Variants in CNNM1 observed in about 807,000 individuals in gnomAD.
CNNM1 encodes metal transporter CNNM1.
Under a neutral mutation model 78.8 loss-of-function variants are expected in CNNM1, and 44 were observed. The observed-to-expected ratio is 0.56, with a 90% CI of 0.44 to 0.72. The LOEUF is 0.72. Ranked by LOEUF, CNNM1 falls within the 30% of genes least tolerant of loss-of-function variation. The pLI is 0.00. For synonymous variants in CNNM1, 584 were observed against 581.5 expected, an observed-to-expected ratio of 1.00 and a Z score of -0.06; for missense variants, 1,101 against 1,292.2, an observed-to-expected ratio of 0.85 and a Z score of 2.27.
At chr10:99,365,296 A>G (rs1049670276) in intron 6 of CNNM1, among the ~76,000 whole-genome samples, 5 of 152,234 alleles carry the variant, frequency 3.3e-5, no homozygotes, top group African/African-American at 9.6e-5. Context: ...GAATGCAGGC[A>G]GGTGATTTGT....
intron 1 of CNNM1, among the ~76,000 whole-genome samples, chr10:99,357,143 G>A (rs2031249507): frequency 6.6e-6 from 1 of 152,214 alleles, no homozygotes; most frequent in South Asian, 2.1e-4. Flanking sequence ...TAGTGGGGAA[G>A]GGGGCTTAGG....
At chr10:99,359,049 C>T (rs1323166742) in intron 2 of CNNM1, among the ~76,000 whole-genome samples, 1 of 140,734 alleles carries the variant, frequency 7.1e-6, no homozygotes, top group Non-Finnish European at 1.5e-5. Context: ...TCCCAGGTGT[C>T]TCAGATAAAC....
intron 6 of CNNM1, chr10:99,368,341 C>T (rs2031690108): frequency 3.2e-6 from 1 of 309,678 alleles, no homozygotes; most frequent in Non-Finnish European, 6.5e-6. Context: ...CCACAGGGCT[C>T]GGCTTGTGCT....
chr10:99,366,510 A>T (rs1173061029), intron 6 of CNNM1, among the ~76,000 whole-genome samples: 1 of 151,632 alleles, frequency 6.6e-6, no homozygotes, highest in Non-Finnish European at 1.5e-5. Context: ...GTGGCCGGGC[A>T]TGGTGGCTCT....
chr10:99,329,684 C>G lies in CNNM1; in HGVS notation c.297C>G (p.Thr99=). The change falls in exon 1 of 11, where the codon ACC becomes ACG. Residue 99 remains threonine, a synonymous_variant. Transcript: ENST00000356713. ...SPTLNSGENG[T]GDWAPRLVFI... ...CCCTCAACTCGGGGGAGAATGGCAC[C>G]GGCGACTGGGCTCCGCGGCTCGTGT... The G allele has an allele frequency of 6.4e-7, 1 of 1,554,064 alleles. No individual in the cohort carries two copies. Among genetic ancestry groups the G allele is most frequent in the Admixed American group, 1.8e-5 (1 of 55,576 alleles).
chr10:99,332,035 G>C (rs2029937530), intron 1 of CNNM1, among the ~76,000 whole-genome samples: 1 of 152,124 alleles, frequency 6.6e-6, no homozygotes, highest in African/African-American at 2.4e-5. Context: ...AAATCAGCCT[G>C]GATACATTAG....
At chr10:99,374,745 GTTTTCCT>G (rs1285690345) in intron 6 of CNNM1, among the ~76,000 whole-genome samples, 1 of 152,164 alleles carries the variant, frequency 6.6e-6, no homozygotes, top group Non-Finnish European at 1.5e-5. Flanking sequence ...TATTCTACAT[GTTTTCCT>G]TGAGTACCTT....
intron 1 of CNNM1, among the ~76,000 whole-genome samples, chr10:99,348,647 G>A (rs1010359553): frequency 1.3e-5 from 2 of 152,176 alleles, no homozygotes; most frequent in Admixed American, 6.5e-5. Context: ...TAGTGAAGAC[G>A]GAGGAAGAGC....
At chr10:99,374,322 A>G (rs1041535403) in intron 6 of CNNM1, among the ~76,000 whole-genome samples, 1 of 152,146 alleles carries the variant, frequency 6.6e-6, no homozygotes, top group East Asian at 1.9e-4. Context: ...GTGGATGGGT[A>G]GGGCCCTGGG....
In CNNM1 at chr10:99,329,597, C is replaced by T. The variant is rs746041012; in HGVS notation, c.210C>T (p.Phe70=). 9.9e-6 allele frequency: 15 copies of T among 1,519,908 alleles called. No homozygotes were observed. Among genetic ancestry groups the T allele is most frequent in the Middle Eastern group, 2.0e-4 (1 of 4,966 alleles). 94.2% of individuals were successfully genotyped at this position (1,519,908 alleles called of 1,614,324 possible). A position where few individuals can be genotyped will look rare whatever the true frequency, so the allele number is the denominator to read the frequency against. ...TGCGCGCCGCCGAAGGCACCAGCTT[C>T]CTCCTGCGTGTCTATTTCCAGCCAG... ...GTLRAAEGTS[F]LLRVYFQPGP... is the part of the protein sequence containing the mutation. Residue 70 remains phenylalanine, a synonymous_variant, in exon 1 of 11, where the codon TTC becomes TTT. Coordinates refer to ENST00000356713, the MANE Select transcript of CNNM1 (RefSeq NM_020348.3).
chr10:99,342,868 T>C (rs2030514765), intron 1 of CNNM1, among the ~76,000 whole-genome samples: 2 of 152,162 alleles, frequency 1.3e-5, no homozygotes, highest in Non-Finnish European at 2.9e-5. Flanking sequence ...AACCAAACTG[T>C]TTTGTAGCCC....
At chr10:99,354,251 T>A (rs1274238366) in intron 1 of CNNM1, among the ~76,000 whole-genome samples, 1 of 152,192 alleles carries the variant, frequency 6.6e-6, no homozygotes, top group Non-Finnish European at 1.5e-5. Context: ...ACAATTAATA[T>A]AATCTAATTT....
At chr10:99,365,278 C>T in intron 6 of CNNM1, 1 of 580,394 alleles carries the variant, frequency 1.7e-6, no homozygotes, top group South Asian at 2.0e-5. Context: ...TTATTGCCAC[C>T]TTCCAGTGAA....
At chr10:99,383,279 C>T (rs2032210875) in intron 7 of CNNM1, among the ~76,000 whole-genome samples, 1 of 152,000 alleles carries the variant, frequency 6.6e-6, no homozygotes, top group South Asian at 2.1e-4. Context: ...GACGGAGTCT[C>T]ACTCTGTCCC....
At position 99,336,061 on chromosome 10, in the gene CNNM1, A is replaced by G. The variant is rs534494212; in HGVS notation, c.1573+5101A>G. On this transcript the variant is annotated intron_variant, in intron 1 of 10. Coordinates refer to ENST00000356713, the MANE Select transcript of CNNM1 (RefSeq NM_020348.3). ...GAAGACAAACATTCAGTCCATAACA[A>G]TCACCAAAGCTGGCCAAATAATTGG... Among the ~76,000 whole-genome samples the G allele has an allele frequency of 1.4e-4, 21 of 152,338 alleles. No homozygotes were observed. In the South Asian group the frequency reaches 4.4e-3, roughly 32 times the overall value.
intron 1 of CNNM1, among the ~76,000 whole-genome samples, chr10:99,335,943 G>T (rs1384962481): frequency 2.6e-5 from 4 of 152,160 alleles, no homozygotes; most frequent in Admixed American, 1.3e-4. Flanking sequence ...TTGGATTAGG[G>T]CCCACCCTTA....
At chr10:99,356,072 T>G (rs574693627) in intron 1 of CNNM1, among the ~76,000 whole-genome samples, 2 of 152,306 alleles carry the variant, frequency 1.3e-5, no homozygotes, top group Admixed American at 6.5e-5. Flanking sequence ...TGCTCACAGA[T>G]TCTGTGAGTC....
chr10:99,388,329 A>G, intron 9 of CNNM1, 28 bp downstream of exon 9: 2 of 1,606,534 alleles, frequency 1.2e-6, no homozygotes, highest in South Asian at 1.1e-5. Context: ...GGCCCAGTGC[A>G]GCAAGGGAGA....
At chr10:99,354,172 G>A (rs2031044909) in intron 1 of CNNM1, among the ~76,000 whole-genome samples, 1 of 152,172 alleles carries the variant, frequency 6.6e-6, no homozygotes, top group African/African-American at 2.4e-5. Context: ...TAGCAGAAAA[G>A]TGAGAATAGG....
Sources: allele counts gnomAD v4.1 joint callset (sites outside exome capture counted in the v4.1 genomes callset), GRCh38; gene constraint gnomAD v4.1.1; transcripts MANE v1.5; gene names NCBI Gene and HGNC (gene_info 2026-07-23, HGNC 2026-07-21).